Variants in KAZN observed in about 807,000 individuals in gnomAD.
KAZN encodes the protein kazrin, periplakin interacting protein.
KAZN carries 40 observed loss-of-function variants against 87.4 expected under a neutral mutation model. The observed-to-expected ratio is 0.46, with a 90% CI of 0.36 to 0.60. KAZN has a LOEUF of 0.60. Among genes scored for constraint, KAZN ranks in the 20% least tolerant of loss-of-function variants. The pLI is 0.00. For missense variants in KAZN, 898 were observed against 1,073.9 expected, an observed-to-expected ratio of 0.84 and a Z score of 2.29; for synonymous variants, 466 against 458.3, an observed-to-expected ratio of 1.02 and a Z score of -0.22.
chr1:14,227,915 G>A (rs1399420782), intron 2 of KAZN, among the ~76,000 whole-genome samples: 4 of 152,158 alleles, frequency 2.6e-5, no homozygotes, highest in African/African-American at 7.2e-5. Flanking sequence ...TGAAAGTTGT[G>A]TGAGACTCAG....
chr1:14,574,769 G>A (rs1047794623), intron 2 of KAZN, among the ~76,000 whole-genome samples: 13 of 152,174 alleles, frequency 8.5e-5, no homozygotes, highest in Admixed American at 2.0e-4. Context: ...GAGAGGTCTC[G>A]TCCTGCCCTT....
chr1:13,954,163 C>T lies in KAZN; in HGVS notation c.91+60407C>T, dbSNP rs534262152. On this transcript the variant is annotated intron_variant, in intron 1 of 16. Transcript: ENST00000636203. ...AGGTCGCAGTGAGCCGAGATTGCGC[C>T]ACTGCACTCCAGCCTGGGCAACAGA... Among the ~76,000 whole-genome samples the T allele has an allele frequency of 2.4e-4, 36 of 152,302 alleles. No homozygotes were observed. In the South Asian group the frequency reaches 7.0e-3, roughly 30 times the overall value.
chr1:14,044,963 G>A (rs982984762), intron 1 of KAZN, among the ~76,000 whole-genome samples: 2 of 151,960 alleles, frequency 1.3e-5, no homozygotes, highest in African/African-American at 2.4e-5. Context: ...ATATAAAAAC[G>A]CCATCTACCC....
chr1:14,253,503 A>T (rs915785098), intron 2 of KAZN, among the ~76,000 whole-genome samples: 5 of 152,210 alleles, frequency 3.3e-5, no homozygotes, highest in African/African-American at 1.2e-4. Flanking sequence ...TTGCATTTTG[A>T]AATAAGACTC....
At chr1:15,015,230 G>A (rs993066591) in intron 2 of KAZN, among the ~76,000 whole-genome samples, 28 of 151,966 alleles carry the variant, frequency 1.8e-4, no homozygotes, top group African/African-American at 6.5e-4. Flanking sequence ...TCGGCTCACT[G>A]CAACCTCTGC....
intron 2 of KAZN, among the ~76,000 whole-genome samples, chr1:14,219,216 G>A (rs1647037113): frequency 6.6e-6 from 1 of 152,118 alleles, no homozygotes; most frequent in Non-Finnish European, 1.5e-5. Context: ...TGATAAAACT[G>A]TAAAGGAAAG....
chr1:14,418,974 T>G (rs948422054), intron 2 of KAZN, among the ~76,000 whole-genome samples: 17 of 152,244 alleles, frequency 1.1e-4, no homozygotes, highest in African/African-American at 4.1e-4. Flanking sequence ...AACTCTTGTC[T>G]GAAAACTTCT....
intron 2 of KAZN, among the ~76,000 whole-genome samples, chr1:14,303,509 C>T (rs956513449): frequency 1.3e-5 from 2 of 152,198 alleles, no homozygotes; most frequent in Non-Finnish European, 2.9e-5. Flanking sequence ...TCCCAAAGTG[C>T]TGGGATTACA....
chr1:14,428,156 T>C (rs1665845429), intron 2 of KAZN, among the ~76,000 whole-genome samples: 1 of 152,224 alleles, frequency 6.6e-6, no homozygotes, highest in Non-Finnish European at 1.5e-5. Context: ...TAAATTCATT[T>C]GGTGAGACGA....
intron 10 of KAZN, among the ~76,000 whole-genome samples, chr1:15,098,361 C>T (rs1487215132): frequency 6.6e-6 from 1 of 152,240 alleles, no homozygotes; most frequent in African/African-American, 2.4e-5. Context: ...GCTGCGGCCC[C>T]ATGGGGACAC....
intron 2 of KAZN, among the ~76,000 whole-genome samples, chr1:14,581,994 C>T (rs952645558): frequency 3.9e-5 from 6 of 152,092 alleles, no homozygotes; most frequent in Non-Finnish European, 8.8e-5. Flanking sequence ...TACCTCGTAC[C>T]ACCCAGACTA....
chr1:15,038,639 T>C (rs1416017184), intron 3 of KAZN, among the ~76,000 whole-genome samples: 1 of 152,132 alleles, frequency 6.6e-6, no homozygotes, highest in Non-Finnish European at 1.5e-5. Context: ...GTGTTACCAA[T>C]AGCAGATGTT....
At chr1:14,126,093 G>A (rs540252856) in intron 1 of KAZN, among the ~76,000 whole-genome samples, 1 of 152,232 alleles carries the variant, frequency 6.6e-6, no homozygotes, top group South Asian at 2.1e-4. Context: ...GACATGATCT[G>A]GTTTATATAT....
intron 1 of KAZN, among the ~76,000 whole-genome samples, chr1:14,873,093 T>C (rs186505162): frequency 5.6e-5 from 8 of 143,868 alleles, no homozygotes; most frequent in African/African-American, 1.9e-4. Context: ...GATGGAAGGA[T>C]GGATGGATGG....
chr1:15,016,544 C>A (rs1024496139), intron 2 of KAZN, among the ~76,000 whole-genome samples: 3 of 152,116 alleles, frequency 2.0e-5, no homozygotes, highest in Non-Finnish European at 2.9e-5. Context: ...CCTCGGCCTC[C>A]CAAAGAGATG....
intron 1 of KAZN, among the ~76,000 whole-genome samples, chr1:14,725,123 G>T (rs909547620): frequency 6.6e-6 from 1 of 152,204 alleles, no homozygotes; most frequent in African/African-American, 2.4e-5. Flanking sequence ...GGCCATTGGG[G>T]CTGATTTGTT....
chr1:15,048,422 A>ATGTGTGTGTGTGTGTGTGTG (rs111596883), intron 4 of KAZN, among the ~76,000 whole-genome samples: 31 of 150,936 alleles, frequency 2.1e-4, no homozygotes, highest in African/African-American at 6.8e-4. Context: ...ATGTGTGTGT[A>ATGTGTGTGTGTGTGTGTGTG]TGTGTGTGTG....
intron 2 of KAZN, among the ~76,000 whole-genome samples, chr1:14,287,572 G>A (rs1189519557): frequency 1.3e-5 from 2 of 152,192 alleles, no homozygotes; most frequent in African/African-American, 4.8e-5. Context: ...AGCTTAAGGA[G>A]ATTTTGGGCT....
At chr1:14,402,238 C>CAA (rs58468082) in intron 2 of KAZN, among the ~76,000 whole-genome samples, 1,718 of 140,312 alleles carry the variant, frequency 0.012, 17 homozygotes, top group African/African-American at 0.035. Flanking sequence ...TTCTATAGGC[C>CAA]AAAAAAAAAA....
Sources: allele counts gnomAD v4.1 joint callset (sites outside exome capture counted in the v4.1 genomes callset), GRCh38; gene constraint gnomAD v4.1.1; transcripts MANE v1.5; gene names NCBI Gene and HGNC (gene_info 2026-07-23, HGNC 2026-07-21).